Variants in ZNF407 observed in about 807,000 individuals in gnomAD.
ZNF407 encodes zinc finger protein 407.
Under a neutral mutation model 131.2 loss-of-function variants are expected in ZNF407, and 17 were observed. The observed-to-expected ratio is 0.13, with a 90% CI of 0.09 to 0.19. The LOEUF (loss-of-function observed/expected upper bound fraction) is 0.19, where lower values mean the gene tolerates loss of function less well. Among genes scored for constraint, ZNF407 ranks in the 10% least tolerant of loss-of-function variants. The pLI is 1.00. For synonymous variants in ZNF407, 1,156 were observed against 1,062.0 expected (o/e 1.09, Z -1.72); for missense variants, 2,681 against 2,830.6 (o/e 0.95, Z 1.20).
intron 3 of ZNF407, among the ~76,000 whole-genome samples, chr18:74,774,369 G>C (rs1969424334): frequency 6.6e-6 from 1 of 152,056 alleles, no homozygotes; most frequent in South Asian, 2.1e-4. Context: ...TTAGTGAACA[G>C]GATACTCACA....
At chr18:74,779,242 A>G (rs1259168414) in intron 3 of ZNF407, among the ~76,000 whole-genome samples, 2 of 147,952 alleles carry the variant, frequency 1.4e-5, no homozygotes, top group Admixed American at 6.8e-5. Context: ...CAACCTCCCC[A>G]GCAGCTGGGA....
At chr18:74,638,641 A>G (rs1187941172) in intron 2 of ZNF407, among the ~76,000 whole-genome samples, 1 of 152,222 alleles carries the variant, frequency 6.6e-6, no homozygotes, top group African/African-American at 2.4e-5. Context: ...AAGGTACCAC[A>G]AAGATAGAGA....
intron 1 of ZNF407, among the ~76,000 whole-genome samples, chr18:74,612,324 G>C (rs1050561269): frequency 1.3e-5 from 2 of 152,250 alleles, no homozygotes; most frequent in South Asian, 2.1e-4. Context: ...CAAATTATCA[G>C]AGATAATTTG....
intron 8 of ZNF407, among the ~76,000 whole-genome samples, chr18:75,013,743 C>G (rs1257753076): frequency 6.6e-6 from 1 of 152,052 alleles, no homozygotes; most frequent in Non-Finnish European, 1.5e-5. Flanking sequence ...CCCTGAAGAG[C>G]TCTGAGGAAC....
intron 8 of ZNF407, among the ~76,000 whole-genome samples, chr18:74,971,612 C>T (rs1259450228): frequency 6.6e-6 from 1 of 152,210 alleles, no homozygotes; most frequent in Non-Finnish European, 1.5e-5. Flanking sequence ...GAGACCAGCT[C>T]AGCTTGGACC....
intron 3 of ZNF407, among the ~76,000 whole-genome samples, chr18:74,643,586 C>G (rs1984823443): frequency 6.6e-6 from 1 of 151,864 alleles, no homozygotes; most frequent in Non-Finnish European, 1.5e-5. Flanking sequence ...AATTATTACT[C>G]AGAATACTGT....
chr18:74,881,720 A>AT (rs1971241107), intron 6 of ZNF407, among the ~76,000 whole-genome samples: 1 of 152,346 alleles, frequency 6.6e-6, no homozygotes, highest in Admixed American at 6.5e-5. Context: ...AATTATGGTC[A>AT]TTGAAGAGGA....
At chr18:74,745,850 G>A (rs1040438476) in intron 3 of ZNF407, among the ~76,000 whole-genome samples, 1 of 152,158 alleles carries the variant, frequency 6.6e-6, no homozygotes, top group Non-Finnish European at 1.5e-5. Context: ...TGCCTCATAC[G>A]AGGAGTCTGT....
chr18:74,609,348 G>T (rs1226509461), intron 1 of ZNF407, among the ~76,000 whole-genome samples: 1 of 152,180 alleles, frequency 6.6e-6, no homozygotes, highest in East Asian at 1.9e-4. Context: ...GGTGCAGCCT[G>T]CTACACACCT....
intron 7 of ZNF407, among the ~76,000 whole-genome samples, chr18:74,912,651 C>T (rs749965810): frequency 3.3e-5 from 5 of 152,004 alleles, no homozygotes; most frequent in South Asian, 2.1e-4. Context: ...TGTGATATAA[C>T]GCAACTCTAC....
chr18:75,060,607 GC>G (rs1306951436), intron 8 of ZNF407, among the ~76,000 whole-genome samples: 1 of 140,696 alleles, frequency 7.1e-6, no homozygotes, highest in Admixed American at 7.8e-5. Flanking sequence ...CCGGGTTCCC[GC>G]CATTCTCCTG....
At chr18:74,854,368 G>A (rs1970830725) in intron 4 of ZNF407, among the ~76,000 whole-genome samples, 1 of 152,144 alleles carries the variant, frequency 6.6e-6, no homozygotes, top group Non-Finnish European at 1.5e-5. Flanking sequence ...AATCAGCATA[G>A]TATGAGCTAC....
chr18:75,013,655 T>C (rs1406446762), intron 8 of ZNF407, among the ~76,000 whole-genome samples: 1 of 152,070 alleles, frequency 6.6e-6, no homozygotes, highest in Non-Finnish European at 1.5e-5. Flanking sequence ...ATTTATTCCA[T>C]CAGAGTACAA....
At chr18:74,795,271 T>C (rs895794260) in intron 4 of ZNF407, among the ~76,000 whole-genome samples, 2 of 152,176 alleles carry the variant, frequency 1.3e-5, no homozygotes, top group East Asian at 3.8e-4. Flanking sequence ...ATATATAGCA[T>C]AGTTTATCTG....
chr18:74,791,634 A>G (rs1969827841), intron 4 of ZNF407, among the ~76,000 whole-genome samples: 1 of 152,008 alleles, frequency 6.6e-6, no homozygotes, highest in African/African-American at 2.4e-5. Context: ...TGTGTACTTT[A>G]TTTTCAAGGG....
At chr18:75,050,162 A>T (rs181895230) in intron 8 of ZNF407, among the ~76,000 whole-genome samples, 38 of 152,312 alleles carry the variant, frequency 2.5e-4, no homozygotes, top group African/African-American at 7.7e-4. Context: ...ACTGAACTAT[A>T]ATGCATTAAA....
At chr18:74,696,050 T>C (rs1295419198) in intron 3 of ZNF407, among the ~76,000 whole-genome samples, 1 of 152,046 alleles carries the variant, frequency 6.6e-6, no homozygotes, top group African/African-American at 2.4e-5. Flanking sequence ...GAGAATAGAG[T>C]GCTTCGGATT....
intron 8 of ZNF407, among the ~76,000 whole-genome samples, chr18:74,973,617 C>A (rs1040034951): frequency 1.3e-5 from 2 of 152,110 alleles, no homozygotes; most frequent in Non-Finnish European, 2.9e-5. Flanking sequence ...AACAAACATG[C>A]GATATGTTTG....
intron 1 of ZNF407, among the ~76,000 whole-genome samples, chr18:74,623,134 G>T (rs1042006012): frequency 2.4e-5 from 3 of 124,592 alleles, no homozygotes; most frequent in Non-Finnish European, 5.1e-5. Flanking sequence ...GACTGTGTGT[G>T]TGTCCGTGTG....
Sources: gnomAD v4.1 joint callset for allele counts (sites outside exome capture counted in the v4.1 genomes callset) on GRCh38, gnomAD v4.1.1 for gene constraint, MANE v1.5 for transcripts, NCBI Gene and HGNC (gene_info 2026-07-23, HGNC 2026-07-21) for gene names.